Variants in PEX5 observed in about 807,000 individuals in gnomAD.
PEX5 encodes the protein PTS1 receptor.
PEX5 carries 52 observed loss-of-function variants against 82.9 expected under a neutral mutation model. The observed-to-expected ratio is 0.63, with a 90% CI of 0.50 to 0.79. The LOEUF is 0.79. Ranked by LOEUF, PEX5 falls within the 30% of genes least tolerant of loss-of-function variation. The pLI, the probability that PEX5 is intolerant of heterozygous loss-of-function variation, is 0.00. For synonymous variants in PEX5, 300 were observed against 318.8 expected (o/e 0.94, Z 0.63); for missense variants, 719 against 815.2 (o/e 0.88, Z 1.44).
At chr12:7,201,944 T>C in intron 7 of PEX5, 103 bp downstream of exon 7, 9 of 822,270 alleles carry the variant, frequency 1.1e-5, no homozygotes, top group African/African-American at 1.7e-5. Flanking sequence ...GGAGAAGAGA[T>C]CTTAGGTCTC....
Position 7,201,780 on chromosome 12 carries a change from T to A in PEX5, c.581T>A (p.Leu194Gln). 1 of 1,613,980 alleles carries A rather than the reference T, an allele frequency of 6.2e-7. No individual in the cohort carries two copies. The highest frequency in any genetic ancestry group is 8.5e-7 in the Non-Finnish European group (1 of 1,179,860). ...WYDEYHPEEDLQHTASDFVAK... is the reference protein window; with the variant it reads ...WYDEYHPEEDQQHTASDFVAK... ...GATGAATATCATCCTGAGGAGGATC[T>A]GCAGCACACGGCCAGTGACTTTGTG... The change falls in exon 7 of 16, where the codon CTG (leucine) becomes CAG (glutamine). Residue 194 changes from leucine (L) to glutamine (Q), a missense_variant. Transcript: ENST00000675855.
rs1158011334 is a variant in PEX5 at position 7,191,649 on chromosome 12, C to T, written c.397C>T (p.Gln133Ter). 3 of 1,613,736 alleles carry T rather than the reference C, an allele frequency of 1.9e-6. No homozygotes were observed. Among genetic ancestry groups the T allele is most frequent in the South Asian group, 1.1e-5 (1 of 91,060 alleles). Residue 133 changes from glutamine to a stop codon, truncating the protein, a stop_gained, in exon 5 of 16, where the codon CAG becomes TAG. Transcript: ENST00000675855. LOFTEE classifies it high-confidence loss of function. ...LAAGDAVDVT[Q>*]DYNETDWSQE... Reference sequence around the variant, plus strand: ...AGCTGGAGATGCTGTGGATGTAACTCAGGATTATAATGAGACTGACTGGTC... The same window carrying T: ...AGCTGGAGATGCTGTGGATGTAACTTAGGATTATAATGAGACTGACTGGTC...
intron 5 of PEX5, among the ~76,000 whole-genome samples, chr12:7,198,378 T>G (rs1402229926): frequency 6.6e-6 from 1 of 152,200 alleles, no homozygotes; most frequent in African/African-American, 2.4e-5. Flanking sequence ...AGCTGTACAC[T>G]TAAGTTTGGT....
At chr12:7,189,257 T>G (rs1940441843), upstream of PEX5, 1 of 152,226 alleles carries the variant, frequency 6.6e-6, no homozygotes, top group African/African-American at 2.4e-5. Context: ...GTGTTAGGGC[T>G]TTTCTCTTTC....
chr12:7,190,030 T>C, intron 1 of PEX5: 2 of 1,503,500 alleles, frequency 1.3e-6, no homozygotes, highest in Non-Finnish European at 1.8e-6. Flanking sequence ...AGTGTCGCCG[T>C]CCAGCCTGGT....
At chr12:7,189,984 T>C in intron 1 of PEX5, 1 of 1,500,954 alleles carries the variant, frequency 6.7e-7, no homozygotes, top group Non-Finnish European at 8.8e-7. Flanking sequence ...GGGCTAGGTA[T>C]GGTCGGGCTG....
chr12:7,195,409 C>T (rs74574711), intron 5 of PEX5, among the ~76,000 whole-genome samples: 9,313 of 152,112 alleles, frequency 0.061, 716 homozygotes, highest in Admixed American at 0.22. Flanking sequence ...TTGATTCTTT[C>T]GGTTATTTGA....
exon 18 of PEX5, chr12:7,218,516 C>G (rs911450090): frequency 1.3e-5 from 2 of 152,162 alleles, no homozygotes; most frequent in African/African-American, 4.8e-5. Flanking sequence ...TGTAGGAAAA[C>G]AAATCCTCAT....
At chr12:7,200,529 C>G (rs1466005541) in intron 6 of PEX5, among the ~76,000 whole-genome samples, 3 of 152,174 alleles carry the variant, frequency 2.0e-5, no homozygotes, top group Admixed American at 2.0e-4. Context: ...TTTGGGAGGC[C>G]AAGGCAGGCG....
At chr12:7,209,552 C>T (rs766871698) in intron 14 of PEX5, 131 bp from the exon 15 acceptor site, 38 of 231,326 alleles carry the variant, frequency 1.6e-4, no homozygotes, top group African/African-American at 4.0e-4. Flanking sequence ...TGGAATGGGA[C>T]GAAACATGTT....
chr12:7,202,429 C>G, intron 8 of PEX5, 78 bp downstream of exon 8: 2 of 1,562,036 alleles, frequency 1.3e-6, no homozygotes, highest in South Asian at 2.3e-5. Context: ...TCAGTGGTCC[C>G]AGATGGGGAA....
chr12:7,197,398 A>G (rs1489636488), intron 5 of PEX5, among the ~76,000 whole-genome samples: 1 of 109,998 alleles, frequency 9.1e-6, no homozygotes, highest in African/African-American at 2.9e-5. Context: ...ATAATTATAT[A>G]TATGTCATAT....
At chr12:7,215,435 G>A (rs1945750098), downstream of PEX5, among the ~76,000 whole-genome samples, 1 of 152,144 alleles carries the variant, frequency 6.6e-6, no homozygotes, top group African/African-American at 2.4e-5. Context: ...AAAGACACAT[G>A]CACTCATATG....
At position 7,201,995 on chromosome 12, in the gene PEX5, C is replaced by T. The variant is rs187220600; in HGVS notation, c.642+154C>T. The T allele has an allele frequency of 2.8e-5, 21 of 757,264 alleles. No individual in the cohort carries two copies. The Admixed American group carries it at 4.1e-4, about 15-fold the overall frequency. The allele number at this position is 757,264 out of a possible 1,614,324, so 46.9% of individuals were successfully genotyped here. A position where few individuals can be genotyped will look rare whatever the true frequency, so the allele number is the denominator to read the frequency against. On this transcript the variant is annotated intron_variant, in intron 7 of 15. Coordinates refer to ENST00000675855, the MANE Select transcript of PEX5 (RefSeq NM_001351132.2). ...AGAACAGAGACTTAAGATCCTGCCTCTTCCTTCTAGTGTTCATTCCCTCAT... is the reference window on the plus strand; with the variant it reads ...AGAACAGAGACTTAAGATCCTGCCTTTTCCTTCTAGTGTTCATTCCCTCAT...
chr12:7,217,390 C>T (rs771722277), intron 17 of PEX5, among the ~76,000 whole-genome samples: 14 of 152,162 alleles, frequency 9.2e-5, no homozygotes, highest in Non-Finnish European at 2.1e-4. Flanking sequence ...CTGTACTCAC[C>T]GGGGAACATT....
intron 6 of PEX5, among the ~76,000 whole-genome samples, chr12:7,200,820 A>C (rs1447640511): frequency 6.6e-6 from 1 of 151,178 alleles, no homozygotes; most frequent in Non-Finnish European, 1.5e-5. Flanking sequence ...GGGAGGTTGC[A>C]GGGAGCCGAG....
chr12:7,203,206 CTG>C (rs1944349225), intron 9 of PEX5, among the ~76,000 whole-genome samples: 3 of 12,596 alleles, frequency 2.4e-4, no homozygotes, highest in Admixed American at 1.5e-3. Context: ...CTGCACTGCA[CTG>C]CACTGCACTG....
At position 7,202,306 on chromosome 12, in the gene PEX5, C is replaced by T. The variant is rs778009052; in HGVS notation, c.708C>T (p.Gly236=). 1.9e-6 allele frequency: 3 copies of T among 1,614,000 alleles called. No homozygotes were observed. The highest frequency in any genetic ancestry group is 2.2e-5 in the South Asian group (2 of 91,058). ...CCCTGGAGTCCGGTGCAGGGTCGGG[C>T]CGAGCTCAGGCAGAACAGTGGGCAG... ...QVSLESGAGS[G]RAQAEQWAAE... The change falls in exon 8 of 16, where the codon GGC becomes GGT. Residue 236 remains glycine (G), a synonymous_variant. Transcript: ENST00000675855.
At chr12:7,214,924 T>C (rs1435188897), downstream of PEX5, among the ~76,000 whole-genome samples, 1 of 152,138 alleles carries the variant, frequency 6.6e-6, no homozygotes, top group South Asian at 2.1e-4. Context: ...TTTTAGAAAT[T>C]ATATTGAAGC....
Sources: gnomAD v4.1 joint callset for allele counts (sites outside exome capture counted in the v4.1 genomes callset) on GRCh38, gnomAD v4.1.1 for gene constraint, MANE v1.5 for transcripts, NCBI Gene and HGNC (gene_info 2026-07-23, HGNC 2026-07-21) for gene names.